The following GSE1 variants were observed in gnomAD, a reference collection of about 807,000 sequenced individuals.
The protein encoded by GSE1 is genetic suppressor element 1.
GSE1 carries 32 observed loss-of-function variants against 112.6 expected under a neutral mutation model. The ratio of observed to expected loss-of-function variants is 0.28; its 90% confidence interval spans 0.21 to 0.38. GSE1 has a LOEUF of 0.38. Among genes scored for constraint, GSE1 ranks in the 10% least tolerant of loss-of-function variants. The pLI is 1.00. For synonymous variants in GSE1, 1,115 were observed against 735.6 expected, an observed-to-expected ratio of 1.52 and a Z score of -8.35; for missense variants, 2,348 against 1,699.2, an observed-to-expected ratio of 1.38 and a Z score of -6.71.
At chr16:85,564,895 C>T (rs1161998360) in intron 1 of GSE1, among the ~76,000 whole-genome samples, 4 of 152,080 alleles carry the variant, frequency 2.6e-5, no homozygotes, top group African/African-American at 4.8e-5. Flanking sequence ...GGGAGTGTGG[C>T]GGACGGGCCC....
At chr16:85,614,245 C>A (rs1007997831) in intron 1 of GSE1, among the ~76,000 whole-genome samples, 2 of 152,124 alleles carry the variant, frequency 1.3e-5, no homozygotes, top group Non-Finnish European at 2.9e-5. Context: ...GCCCTGCGGC[C>A]GCGCTGATGG....
intron 1 of GSE1, among the ~76,000 whole-genome samples, chr16:85,340,752 C>T (rs140322423): frequency 3.9e-4 from 59 of 152,306 alleles, no homozygotes; most frequent in African/African-American, 1.4e-3. Flanking sequence ...GAGACACTTC[C>T]TGCAGGTCAG....
chr16:85,265,033 A>G (rs1209427950), intron 1 of GSE1, among the ~76,000 whole-genome samples: 1 of 152,204 alleles, frequency 6.6e-6, no homozygotes, highest in African/African-American at 2.4e-5. Flanking sequence ...CACCACTGTG[A>G]CACCCGGAGC....
intron 1 of GSE1, among the ~76,000 whole-genome samples, chr16:85,571,671 G>A (rs1422991067): frequency 6.6e-6 from 1 of 152,200 alleles, no homozygotes; most frequent in Non-Finnish European, 1.5e-5. Flanking sequence ...CTGACCTTTT[G>A]ACATTAAACA....
At chr16:85,639,630 G>A (rs2050279635) in intron 2 of GSE1, among the ~76,000 whole-genome samples, 1 of 152,244 alleles carries the variant, frequency 6.6e-6, no homozygotes, top group Non-Finnish European at 1.5e-5. Context: ...GTGGAGCCAG[G>A]CCCTGTGCTT....
At chr16:85,513,346 G>A (rs2051810416) in intron 2 of GSE1, among the ~76,000 whole-genome samples, 1 of 152,090 alleles carries the variant, frequency 6.6e-6, no homozygotes, top group African/African-American at 2.4e-5. Flanking sequence ...TTGCAGCTGG[G>A]TGACCTAAGG....
chr16:85,204,676 G>C (rs905461001), intron 1 of GSE1, among the ~76,000 whole-genome samples: 1 of 152,262 alleles, frequency 6.6e-6, no homozygotes, highest in African/African-American at 2.4e-5. Context: ...TGCCCGGACA[G>C]ACTGTGTCCT....
At chr16:85,573,238 A>T (rs1234892896) in intron 1 of GSE1, among the ~76,000 whole-genome samples, 1 of 152,062 alleles carries the variant, frequency 6.6e-6, no homozygotes, top group Non-Finnish European at 1.5e-5. Context: ...GACTCAAGCC[A>T]TGTTCACTTT....
Position 85,645,633 on chromosome 16 carries a change from C to CTG in GSE1, c.227-2916_227-2915dup, listed in dbSNP as rs542246854. On this transcript the variant is annotated intron_variant, in intron 2 of 15. Coordinates refer to ENST00000253458, the MANE Select transcript of GSE1 (RefSeq NM_014615.5). ...GCTGCCTGAGGCCTCTGGGCACCCC[C>CTG]TGTGAGCAGCAGTTTTCTTTGGTGA... Among the ~76,000 whole-genome samples, 25 of 152,154 alleles carry CTG rather than the reference C, an allele frequency of 1.6e-4. No homozygotes were observed. The East Asian group carries it at 4.2e-3, about 26-fold the overall frequency.
intron 2 of GSE1, among the ~76,000 whole-genome samples, chr16:85,463,624 G>A (rs190131937): frequency 3.6e-4 from 55 of 152,274 alleles, no homozygotes; most frequent in Admixed American, 2.4e-3. Flanking sequence ...TTGTGGGACT[G>A]GAACTCTCAA....
chr16:85,607,726 C>T (rs2151514787), upstream of GSE1, among the ~76,000 whole-genome samples: 1 of 152,338 alleles, frequency 6.6e-6, no homozygotes, highest in South Asian at 2.1e-4. Context: ...GCGGGCGCTG[C>T]TTTCCCCTCT....
intron 1 of GSE1, among the ~76,000 whole-genome samples, chr16:85,284,235 C>T (rs1481829923): frequency 1.3e-5 from 2 of 152,228 alleles, no homozygotes; most frequent in East Asian, 1.9e-4. Context: ...TAGGGCGACT[C>T]TTGGCGTGTA....
chr16:85,656,055 C>T, intron 6 of GSE1, 138 bp downstream of exon 6: 1 of 718,002 alleles, frequency 1.4e-6, no homozygotes, highest in Non-Finnish European at 2.3e-6. Context: ...CCAAATGGGA[C>T]AATGATCGTT....
chr16:85,670,895 G>T lies in GSE1; in HGVS notation c.3416-100G>T, dbSNP rs2053273989. ...GCCTTCGCTGGCTGCACTGGAGAGAGGTTTTGGGCTCTGCTGGGCAGGGTG... is the reference window on the plus strand; with the variant it reads ...GCCTTCGCTGGCTGCACTGGAGAGATGTTTTGGGCTCTGCTGGGCAGGGTG... On this transcript the variant is annotated intron_variant, in intron 14 of 15. Transcript: ENST00000253458. The T allele has an allele frequency of 1.1e-5, 8 of 736,180 alleles. No individual in the cohort carries two copies. The South Asian group carries it at 1.3e-4, about 12-fold the overall frequency. The allele number at this position is 736,180 out of a possible 1,614,324, so 45.6% of individuals were successfully genotyped here.
chr16:85,219,650 T>TG (rs1373672199), intron 1 of GSE1, among the ~76,000 whole-genome samples: 1 of 152,172 alleles, frequency 6.6e-6, no homozygotes, highest in Non-Finnish European at 1.5e-5. Flanking sequence ...GCACTTTGAG[T>TG]GTTCATATCA....
At chr16:85,235,577 G>GGGT (rs1491490724) in intron 1 of GSE1, among the ~76,000 whole-genome samples, 1 of 14,334 alleles carries the variant, frequency 7.0e-5, no homozygotes, top group African/African-American at 3.1e-4. Flanking sequence ...GTGTGTGGGT[G>GGGT]GGGGGGGGGC....
intron 2 of GSE1, among the ~76,000 whole-genome samples, chr16:85,472,210 G>A (rs1204513146): frequency 6.6e-6 from 1 of 152,176 alleles, no homozygotes; most frequent in Non-Finnish European, 1.5e-5. Context: ...CATGATAAAT[G>A]ACCATAAACT....
intron 1 of GSE1, among the ~76,000 whole-genome samples, chr16:85,303,164 G>C (rs1480198287): frequency 6.6e-6 from 1 of 152,226 alleles, no homozygotes; most frequent in African/African-American, 2.4e-5. Context: ...GGCCTAGTGG[G>C]GTGCCCGGCA....
chr16:85,672,041 C>G (rs555594641), intron 15 of GSE1: 16 of 226,874 alleles, frequency 7.1e-5, no homozygotes, highest in East Asian at 1.3e-4. Flanking sequence ...CTCTGTCACC[C>G]AAGCTGGAAT....
Sources: allele counts gnomAD v4.1 joint callset (sites outside exome capture counted in the v4.1 genomes callset), GRCh38; gene constraint gnomAD v4.1.1; transcripts MANE v1.5; gene names NCBI Gene and HGNC (gene_info 2026-07-23, HGNC 2026-07-21).